The following ELFN1 variants were observed in gnomAD, a reference collection of about 807,000 sequenced individuals.
ELFN1 encodes the protein protein ELFN1.
ELFN1 carries 6 observed loss-of-function variants against 7.6 expected under a neutral mutation model. The observed-to-expected ratio is 0.79, with a 90% CI of 0.43 to 1.56. The LOEUF is 1.56. Among genes scored for constraint, ELFN1 ranks in the 40% most tolerant of loss-of-function variants. The pLI is 0.01. For synonymous variants in ELFN1, 657 were observed against 588.1 expected, an observed-to-expected ratio of 1.12 and a Z score of -1.70; for missense variants, 1,169 against 1,232.2, an observed-to-expected ratio of 0.95 and a Z score of 0.77.
At position 1,747,058 on chromosome 7, in the gene ELFN1, G is replaced by A; in HGVS notation, c.2462G>A (p.Gly821Asp). 2 of 1,523,400 alleles carry A rather than the reference G, an allele frequency of 1.3e-6. No homozygotes were observed. Among genetic ancestry groups the A allele is most frequent in the Non-Finnish European group, 1.8e-6 (2 of 1,129,662 alleles). The allele number at this position is 1,523,400 out of a possible 1,614,324, so 94.4% of individuals were successfully genotyped here. Residue 821 changes from glycine to aspartate, a missense_variant, in exon 4 of 4, where the codon GGC (glycine) becomes GAC (aspartate). Around this residue, in one of 2 missense-constraint regions of ELFN1, gnomAD observed 914 missense variants for 872.6 expected, o/e 1.05. Coordinates refer to ENST00000424383, the MANE Select transcript of ELFN1 (RefSeq NM_001128636.4). ...DLHDILDYWKGVSAQHKS is the reference protein window; with the variant it reads ...DLHDILDYWKDVSAQHKS ...CACGACATCCTGGACTACTGGAAGG[G>A]CGTGTCGGCCCAGCACAAGTCCTGA...
chr7:1,674,388 C>T (rs906508430), intron 1 of ELFN1, among the ~76,000 whole-genome samples: 3 of 152,204 alleles, frequency 2.0e-5, no homozygotes, highest in South Asian at 2.1e-4. Context: ...GGTTGCCTCC[C>T]TTCTGCCCAG....
At chr7:1,671,490 G>A (rs1778766485) in intron 1 of ELFN1, among the ~76,000 whole-genome samples, 2 of 152,212 alleles carry the variant, frequency 1.3e-5, no homozygotes, top group African/African-American at 4.8e-5. Flanking sequence ...AGGGCTGTGC[G>A]GAGAGCCTGG....
chr7:1,688,904 A>G (rs1779106624), intron 2 of ELFN1, among the ~76,000 whole-genome samples: 1 of 152,192 alleles, frequency 6.6e-6, no homozygotes, highest in Non-Finnish European at 1.5e-5. Flanking sequence ...CATTTCTATA[A>G]TTTTGTCTTT....
intron 1 of ELFN1, among the ~76,000 whole-genome samples, chr7:1,674,808 G>A (rs1583305882): frequency 6.6e-6 from 1 of 152,118 alleles, no homozygotes; most frequent in South Asian, 2.1e-4. Flanking sequence ...CTGGGCTTCC[G>A]AGGGAGGGAT....
chr7:1,675,969 C>T (rs142744629), intron 1 of ELFN1, among the ~76,000 whole-genome samples: 1,530 of 152,206 alleles, frequency 0.01, 15 homozygotes, highest in Middle Eastern at 0.02. Flanking sequence ...GTCTCCTGGG[C>T]GTGGACTCTG....
At chr7:1,703,243 C>CCT (rs1386456155) in intron 2 of ELFN1, among the ~76,000 whole-genome samples, 9 of 152,118 alleles carry the variant, frequency 5.9e-5, no homozygotes, top group Non-Finnish European at 7.3e-5. Context: ...TTGATGTCTC[C>CCT]CTAATCAATT....
chr7:1,697,985 C>T (rs934153015), intron 2 of ELFN1, among the ~76,000 whole-genome samples: 2 of 152,142 alleles, frequency 1.3e-5, no homozygotes, highest in Admixed American at 6.5e-5. Flanking sequence ...AGCCGGCCGG[C>T]GGGCGGGCGC....
Position 1,747,245 on chromosome 7 carries a change from G to T in ELFN1, c.*162G>T, listed in dbSNP as rs1208698823. 4.0e-5 allele frequency: 32 copies of T among 810,016 alleles called. No individual in the cohort carries two copies. In the South Asian group the frequency reaches 6.6e-4, roughly 17 times the overall value. The allele number at this position is 810,016 out of a possible 1,614,324, so 50.2% of individuals were successfully genotyped here. Reference sequence around the variant, plus strand: ...GAGTGGGGACAGACAAGGGGGACACGTCCCGAGCTCCTGTGGCCGGTCCTG... The same window carrying T: ...GAGTGGGGACAGACAAGGGGGACACTTCCCGAGCTCCTGTGGCCGGTCCTG... On this transcript the variant is annotated 3_prime_UTR_variant, in exon 4 of 4. Transcript: ENST00000424383.
In ELFN1 at chr7:1,694,818, G is replaced by A. The variant is rs540627486; in HGVS notation, c.-456+6668G>A. On this transcript the variant is annotated intron_variant, in intron 2 of 3. Coordinates refer to ENST00000424383, the MANE Select transcript of ELFN1 (RefSeq NM_001128636.4). ...GCTGCACACCCTCCAGGGTGCATTC[G>A]AGACCACCTGTCAGCTGCCCTGCAC... is the stretch of plus-strand genomic sequence containing the variant. Among the ~76,000 whole-genome samples, 9 of 152,306 alleles carry A rather than the reference G, an allele frequency of 5.9e-5. No individual in the cohort carries two copies. In the South Asian group the frequency reaches 1.9e-3, roughly 32 times the overall value.
upstream of ELFN1, among the ~76,000 whole-genome samples, chr7:1,669,446 G>T (rs1470425154): frequency 1.3e-5 from 2 of 152,040 alleles, no homozygotes; most frequent in East Asian, 1.9e-4. Flanking sequence ...GCACCGCCGG[G>T]GCCTGCCCGG....
At chr7:1,670,152 A>G (rs1778734124), upstream of ELFN1, among the ~76,000 whole-genome samples, 1 of 89,968 alleles carries the variant, frequency 1.1e-5, no homozygotes, top group Non-Finnish European at 2.2e-5. The surrounding 1 kb of genome is among the most constrained non-coding windows in gnomAD (Gnocchi z 6.4). Flanking sequence ...GGAGGGAGAG[A>G]AGGAGGGAGG....
At chr7:1,736,179 G>A (rs916689317) in intron 3 of ELFN1, among the ~76,000 whole-genome samples, 3 of 152,208 alleles carry the variant, frequency 2.0e-5, no homozygotes, top group Admixed American at 2.0e-4. Flanking sequence ...AGCTGCAGAG[G>A]CAGGCAGACG....
chr7:1,689,559 G>C (rs774872571), intron 2 of ELFN1, among the ~76,000 whole-genome samples: 8 of 152,212 alleles, frequency 5.3e-5, no homozygotes, highest in Non-Finnish European at 1.2e-4. Context: ...TTTGCTGGGG[G>C]CTGGGCCTGG....
intron 1 of ELFN1, among the ~76,000 whole-genome samples, chr7:1,674,513 A>G (rs1253271567): frequency 6.6e-6 from 1 of 152,072 alleles, no homozygotes; most frequent in African/African-American, 2.4e-5. Flanking sequence ...GGGTGGGCAG[A>G]GTTTAGATAA....
upstream of ELFN1, among the ~76,000 whole-genome samples, chr7:1,667,824 C>T (rs1443036132): frequency 1.3e-5 from 2 of 152,152 alleles, no homozygotes; most frequent in Non-Finnish European, 2.9e-5. This position sits in a 1 kb window ranked among gnomAD's most constrained non-coding sequence, Gnocchi z 8.2. Flanking sequence ...GGCGTTGGGC[C>T]CCGGACAGAT....
intron 3 of ELFN1, among the ~76,000 whole-genome samples, chr7:1,726,836 C>T (rs1780211371): frequency 6.6e-6 from 1 of 152,236 alleles, no homozygotes; most frequent in Non-Finnish European, 1.5e-5. Flanking sequence ...GAACTCGCCC[C>T]TGCACGTCCC....
chr7:1,742,842 C>A (rs1034826767), intron 3 of ELFN1, among the ~76,000 whole-genome samples: 3 of 152,214 alleles, frequency 2.0e-5, no homozygotes, highest in African/African-American at 7.2e-5. Flanking sequence ...AGGAAAAAAC[C>A]CATTTTACAT....
chr7:1,729,554 G>A (rs577896457), intron 3 of ELFN1, among the ~76,000 whole-genome samples: 2 of 152,182 alleles, frequency 1.3e-5, no homozygotes, highest in Admixed American at 6.5e-5. Flanking sequence ...CAGGGTGGCC[G>A]GCCTAGCTAG....
rs546592040 is a variant in ELFN1, at chr7:1,707,985, G to A, written c.-455-1106G>A. On this transcript the variant is annotated intron_variant, in intron 2 of 3. Transcript: ENST00000424383. ...TGAGGCTCCCTCAGCCTCCAGGGGC[G>A]CGGATGCGGCAGAGCCCAGCACCAA... 4.6e-5 allele frequency among the ~76,000 whole-genome samples: 7 copies of A among 152,088 alleles called. No individual in the cohort carries two copies. In the South Asian group the frequency reaches 8.3e-4, roughly 18 times the overall value.
Sources: gnomAD v4.1 joint callset for allele counts (sites outside exome capture counted in the v4.1 genomes callset) on GRCh38, gnomAD v4.1.1 for gene constraint, gnomAD v4.1.1 regional missense constraint, Gnocchi (gnomAD v3.1) non-coding constraint, MANE v1.5 for transcripts, NCBI Gene and HGNC (gene_info 2026-07-23, HGNC 2026-07-21) for gene names.